The following UBXN7 variants were observed in gnomAD, a reference collection of about 807,000 sequenced individuals.
UBXN7 encodes UBX domain-containing protein 7.
In UBXN7, 9 loss-of-function variants were observed where a neutral mutation model predicts 58.0. That is an observed-to-expected ratio of 0.16 (90% CI 0.09 to 0.27). The LOEUF is 0.27. UBXN7 is among the 10% of genes least tolerant of loss of function. The pLI is 1.00. For synonymous variants in UBXN7, 208 were observed against 205.0 expected (o/e 1.01, Z -0.12); for missense variants, 328 against 599.6 (o/e 0.55, Z 4.73).
chr3:196,400,224 C>G (rs1400246541), intron 3 of UBXN7: 1 of 151,728 alleles, frequency 6.6e-6, no homozygotes, highest in Non-Finnish European at 1.5e-5. Flanking sequence ...AAAAAAAAAC[C>G]CTTAGTATTA....
intron 5 of UBXN7, among the ~76,000 whole-genome samples, chr3:196,379,672 G>A (rs939603558): frequency 6.6e-6 from 1 of 152,180 alleles, no homozygotes; most frequent in Non-Finnish European, 1.5e-5. Flanking sequence ...TAACTCTTGA[G>A]TCCCAACAGA....
intron 1 of UBXN7, among the ~76,000 whole-genome samples, chr3:196,415,601 C>T (rs568278649): frequency 6.6e-6 from 1 of 150,414 alleles, no homozygotes; most frequent in South Asian, 2.1e-4. Context: ...TGGTGAAATC[C>T]CGTCTCTACT....
intron 5 of UBXN7, among the ~76,000 whole-genome samples, chr3:196,373,962 G>T (rs938582375): frequency 6.6e-6 from 1 of 152,088 alleles, no homozygotes; most frequent in Non-Finnish European, 1.5e-5. Flanking sequence ...GCATTTAACT[G>T]GTCAAAGGCT....
chr3:196,431,948 A>G (rs1379387327), intron 1 of UBXN7: 1 of 417,820 alleles, frequency 2.4e-6, no homozygotes, highest in South Asian at 2.0e-5. Context: ...GCAGGGCTGC[A>G]CAGAGAAGGG....
chr3:196,407,843 T>C (rs951872070), intron 1 of UBXN7, among the ~76,000 whole-genome samples: 4 of 152,120 alleles, frequency 2.6e-5, no homozygotes, highest in African/African-American at 9.7e-5. Flanking sequence ...CTCACACCTG[T>C]AATCCCAACA....
intron 10 of UBXN7, among the ~76,000 whole-genome samples, chr3:196,361,052 A>G (rs1052252889): frequency 5.9e-5 from 9 of 152,148 alleles, no homozygotes; most frequent in Non-Finnish European, 1.3e-4. Flanking sequence ...TCAGCAGTCT[A>G]AATACCATTA....
At chr3:196,367,438 C>T (rs1025102177) in intron 8 of UBXN7, among the ~76,000 whole-genome samples, 2 of 152,222 alleles carry the variant, frequency 1.3e-5, no homozygotes, top group Non-Finnish European at 2.9e-5. Flanking sequence ...TAAAAATGCT[C>T]AACTATACCA....
chr3:196,363,228 A>G (rs1358173327), intron 8 of UBXN7, among the ~76,000 whole-genome samples: 1 of 125,342 alleles, frequency 8.0e-6, no homozygotes, highest in Non-Finnish European at 1.7e-5. Flanking sequence ...ACATACATAC[A>G]TACATACATA....
At chr3:196,382,500 G>A (rs971505689) in intron 5 of UBXN7, among the ~76,000 whole-genome samples, 7 of 152,152 alleles carry the variant, frequency 4.6e-5, no homozygotes, top group African/African-American at 1.7e-4. Flanking sequence ...ACTAAACATG[G>A]AAAGAAACAA....
chr3:196,359,478 TGAA>T (rs1381023118), intron 10 of UBXN7, among the ~76,000 whole-genome samples: 1 of 152,120 alleles, frequency 6.6e-6, no homozygotes, highest in African/African-American at 2.4e-5. Context: ...CTAAAAATGA[TGAA>T]GCTTAGTGAG....
chr3:196,428,698 G>A (rs1025305787), intron 1 of UBXN7, among the ~76,000 whole-genome samples: 2 of 151,226 alleles, frequency 1.3e-5, no homozygotes, highest in Non-Finnish European at 2.9e-5. Context: ...TTCAAGACCA[G>A]CCTGCACAAC....
intron 10 of UBXN7, among the ~76,000 whole-genome samples, chr3:196,359,033 C>T (rs1457689874): frequency 1.3e-5 from 2 of 152,042 alleles, no homozygotes; most frequent in Admixed American, 6.6e-5. Flanking sequence ...TTCTCTGCTT[C>T]GAGAAAATGC....
chr3:196,424,997 T>C (rs1304284995), intron 1 of UBXN7, among the ~76,000 whole-genome samples: 1 of 152,122 alleles, frequency 6.6e-6, no homozygotes, highest in Non-Finnish European at 1.5e-5. Flanking sequence ...CCACCGCACC[T>C]AGCCCCATTT....
In UBXN7 at chr3:196,356,491, A is replaced by C. The variant is rs1032020099; in HGVS notation, c.*194T>G. ...AAGGGTACGGAGTGGGGAGCGAGAA[A>C]ACAGAAGAGGAGAAAGAAACAAAGG... On this transcript the variant is annotated 3_prime_UTR_variant, in exon 11 of 11. Coordinates refer to ENST00000296328, the MANE Select transcript of UBXN7 (RefSeq NM_015562.2). 3 of 552,112 alleles carry C rather than the reference A, an allele frequency of 5.4e-6. No individual in the cohort carries two copies. The African/African-American group carries it at 5.9e-5, about 11-fold the overall frequency. The allele number at this position is 552,112 out of a possible 1,614,324, so 34.2% of individuals were successfully genotyped here.
At chr3:196,384,612 C>T (rs573057956) in intron 5 of UBXN7, among the ~76,000 whole-genome samples, 134 of 152,246 alleles carry the variant, frequency 8.8e-4, no homozygotes, top group African/African-American at 2.6e-3. Context: ...ATGATCAAGT[C>T]GGCTTCATCC....
intron 3 of UBXN7, among the ~76,000 whole-genome samples, chr3:196,396,907 T>G (rs992489385): frequency 1.3e-5 from 2 of 152,300 alleles, no homozygotes; most frequent in East Asian, 1.9e-4. Context: ...ATATTCCACA[T>G]CACCTTTCCA....
intron 6 of UBXN7, 49 bp downstream of exon 6, chr3:196,371,847 A>T (rs1425492843): frequency 1.3e-6 from 2 of 1,583,366 alleles, no homozygotes; most frequent in Admixed American, 3.7e-5. Flanking sequence ...AACAACCCAC[A>T]CTACAAAAGT....
At chr3:196,396,567 A>G (rs1410591098) in intron 3 of UBXN7, among the ~76,000 whole-genome samples, 2 of 151,962 alleles carry the variant, frequency 1.3e-5, no homozygotes, top group Non-Finnish European at 2.9e-5. Flanking sequence ...TTGAGACCAT[A>G]CTGGCTAACA....
chr3:196,404,827 A>C (rs761105851), intron 2 of UBXN7, among the ~76,000 whole-genome samples: 1 of 152,168 alleles, frequency 6.6e-6, no homozygotes, highest in Non-Finnish European at 1.5e-5. Context: ...CGACACATCT[A>C]TAAGAGTAAG....
Sources: gnomAD v4.1 joint callset for allele counts (sites outside exome capture counted in the v4.1 genomes callset) on GRCh38, gnomAD v4.1.1 for gene constraint, MANE v1.5 for transcripts, NCBI Gene and HGNC (gene_info 2026-07-23, HGNC 2026-07-21) for gene names.